TMEM237: variants seen among roughly 807,000 people sequenced by gnomAD.
TMEM237 encodes transmembrane protein 237, also known as amyotrophic lateral sclerosis 2 (juvenile) chromosome region, candidate 4.
A neutral mutation model predicts 59.1 loss-of-function variants in TMEM237; 51 were observed. The ratio of observed to expected loss-of-function variants is 0.86; its 90% CI spans 0.69 to 1.09. TMEM237 has a LOEUF of 1.09. Among genes scored for constraint, TMEM237 ranks in the 50% least tolerant of loss-of-function variants. TMEM237 has a pLI of 0.00. For synonymous variants in TMEM237, 140 were observed against 166.1 expected (o/e 0.84, Z 1.21); for missense variants, 475 against 478.3 (o/e 0.99, Z 0.06).
chr2:201,639,172 G>T, intron 3 of TMEM237, 127 bp from the exon 4 acceptor site: 1 of 844,872 alleles, frequency 1.2e-6, no homozygotes, highest in Non-Finnish European at 1.8e-6. Context: ...AACGTTTATA[G>T]ATTAGGGGAA....
intron 12 of TMEM237, 81 bp downstream of exon 12, chr2:201,625,945 G>A: frequency 7.5e-7 from 1 of 1,340,862 alleles, no homozygotes; most frequent in Non-Finnish European, 1.0e-6. Flanking sequence ...AATATTATAA[G>A]CTATACCTAT....
intron 7 of TMEM237, among the ~76,000 whole-genome samples, chr2:201,631,589 A>C (rs1957808213): frequency 6.6e-6 from 1 of 152,204 alleles, no homozygotes; most frequent in Admixed American, 6.5e-5. Flanking sequence ...GGTAAAGTAC[A>C]AGAAAGAATA....
rs1001725124 is a variant in TMEM237, at chr2:201,622,800, T to C, written c.*1455A>G. 1 of 153,622 alleles carries C rather than the reference T, an allele frequency of 6.5e-6. No individual in the cohort carries two copies. The highest frequency in any genetic ancestry group is 1.4e-5 in the Non-Finnish European group (1 of 68,978). The allele number at this position is 153,622 out of a possible 1,614,324, so 9.5% of individuals were successfully genotyped here. A position where few individuals can be genotyped will look rare whatever the true frequency, so the allele number is the denominator to read the frequency against. ...AGGACATGGACATCTTTAGGAGACATTATGCAGCCTACCACAATCCCCCAC... is the reference window on the plus strand; with the variant it reads ...AGGACATGGACATCTTTAGGAGACACTATGCAGCCTACCACAATCCCCCAC... On this transcript the variant is annotated 3_prime_UTR_variant, in exon 13 of 13. Transcript: ENST00000409883.
chr2:201,642,526 A>G (rs1179899569), intron 1 of TMEM237: 1 of 1,508,752 alleles, frequency 6.6e-7, no homozygotes, highest in Admixed American at 2.0e-5. Flanking sequence ...CCACCCAGAG[A>G]CCCAACCTCT....
chr2:201,620,970 C>T lies in TMEM237; in HGVS notation c.*3285G>A, dbSNP rs927758866. 7 of 152,158 alleles carry T rather than the reference C, an allele frequency of 4.6e-5. No homozygotes were observed. The highest frequency in any genetic ancestry group is 1.2e-4 in the African/African-American group (5 of 41,424). The allele number at this position is 152,158 out of a possible 1,614,324, so 9.4% of individuals were successfully genotyped here. A position where few individuals can be genotyped will look rare whatever the true frequency, so the allele number is the denominator to read the frequency against. The stretch of plus-strand genomic sequence containing the variant: ...CTCCTCAGAGTACATGGCCCAATAT[C>T]CCAAGGCCCTTAACACATTTGTCAT... On this transcript the variant is annotated 3_prime_UTR_variant, in exon 13 of 13. Transcript: ENST00000409883.
chr2:201,630,606 C>A (rs556619864), intron 7 of TMEM237, among the ~76,000 whole-genome samples: 1 of 152,264 alleles, frequency 6.6e-6, no homozygotes, highest in Non-Finnish European at 1.5e-5. Context: ...TCTGGGCAGA[C>A]AATAGAACCA....
At chr2:201,626,195 A>G in intron 11 of TMEM237, 48 bp from the exon 12 acceptor site, 1 of 1,576,974 alleles carries the variant, frequency 6.3e-7, no homozygotes, top group Non-Finnish European at 8.6e-7. Context: ...TTTGGTTCAT[A>G]TACACAAATA....
Position 201,643,262 on chromosome 2 carries a change from C to A in TMEM237, c.42+97G>T. 8.2e-7 allele frequency: 1 copy of A among 1,212,262 alleles called. No individual in the cohort carries two copies. The highest frequency in any genetic ancestry group is 1.2e-6 in the Non-Finnish European group (1 of 850,908). The allele number at this position is 1,212,262 out of a possible 1,614,324, so 75.1% of individuals were successfully genotyped here. On this transcript the variant is annotated intron_variant, in intron 1 of 12. Coordinates refer to ENST00000409883, the MANE Select transcript of TMEM237 (RefSeq NM_001044385.3). This position sits in a 1 kb window ranked among gnomAD's most constrained non-coding sequence, Gnocchi z 4.3. ...AGCAAGGCCCTCCCTTAGTGATTCC[C>A]AGCTCGTTGGCGCCCCCCCACACAC...
Position 201,643,274 on chromosome 2 carries a change from G to GGCCCCCCCCCC in TMEM237, c.42+84_42+85insGGGGGGGGGGC. 3.3e-6 allele frequency: 4 copies of GGCCCCCCCCCC among 1,206,746 alleles called. No individual in the cohort carries two copies. The highest frequency in any genetic ancestry group is 4.7e-6 in the Non-Finnish European group (4 of 849,308). The allele number at this position is 1,206,746 out of a possible 1,614,324, so 74.8% of individuals were successfully genotyped here. A position where few individuals can be genotyped will look rare whatever the true frequency, so the allele number is the denominator to read the frequency against. ...CCTTAGTGATTCCCAGCTCGTTGGCGCCCCCCCACACACACCCACCCCCAC... is the reference window on the plus strand; with the variant it reads ...CCTTAGTGATTCCCAGCTCGTTGGCGGCCCCCCCCCCCCCCCCCACACACACCCACCCCCAC... On this transcript the variant is annotated intron_variant, in intron 1 of 12. Transcript: ENST00000409883. The surrounding 1 kb of genome is among the most constrained non-coding windows in gnomAD (Gnocchi z 4.3).
intron 5 of TMEM237, chr2:201,634,412 T>C (rs569774061): frequency 6.6e-6 from 1 of 152,334 alleles, no homozygotes; most frequent in East Asian, 1.9e-4. Flanking sequence ...ACAAAATAAA[T>C]AAAAACACAA....
Position 201,630,562 on chromosome 2 carries a change from G to A in TMEM237, c.554-710C>T, listed in dbSNP as rs1445011428. On this transcript the variant is annotated intron_variant, in intron 7 of 12. Coordinates refer to ENST00000409883, the MANE Select transcript of TMEM237 (RefSeq NM_001044385.3). ...CAGGTGTTTTGGAGGATGAAAGACAGGGGTGTGACAATTTTCCCTAAGAAA... is the reference window on the plus strand; with the variant it reads ...CAGGTGTTTTGGAGGATGAAAGACAAGGGTGTGACAATTTTCCCTAAGAAA... 2.0e-5 allele frequency among the ~76,000 whole-genome samples: 3 copies of A among 152,152 alleles called. No homozygotes were observed. In the East Asian group the frequency reaches 5.8e-4, roughly 29 times the overall value.
chr2:201,629,131 CTCTATAAT>C, intron 9 of TMEM237, 91 bp downstream of exon 9: 1 of 944,396 alleles, frequency 1.1e-6, no homozygotes, highest in Non-Finnish European at 1.4e-6. Flanking sequence ...AACATTGATA[CTCTATAAT>C]TCTATTTTGA....
chr2:201,632,916 A>C (rs74418792), intron 6 of TMEM237, among the ~76,000 whole-genome samples: 2,701 of 152,206 alleles, frequency 0.018, 79 homozygotes, highest in African/African-American at 0.056. Flanking sequence ...TAATGCTAAA[A>C]CCCAGTTTTA....
At chr2:201,631,107 C>T (rs527843953) in intron 7 of TMEM237, 1 of 152,096 alleles carries the variant, frequency 6.6e-6, no homozygotes, top group Admixed American at 6.6e-5. Flanking sequence ...GCCCTAACCC[C>T]CCAGTGAGTG....
chr2:201,627,953 A>C (rs1031385078), intron 10 of TMEM237, 123 bp downstream of exon 10: 1 of 558,116 alleles, frequency 1.8e-6, no homozygotes, highest in African/African-American at 1.9e-5. Flanking sequence ...TTCACTGAAC[A>C]TCTATAGGTA....
At position 201,635,984 on chromosome 2, in the gene TMEM237, C is replaced by T. The variant is rs1687291349; in HGVS notation, c.274+764G>A. Among the ~76,000 whole-genome samples, 1 of 152,194 alleles carries T rather than the reference C, an allele frequency of 6.6e-6. No homozygotes were observed. Among genetic ancestry groups the T allele is most frequent in the South Asian group, 2.1e-4 (1 of 4,834 alleles). On this transcript the variant is annotated intron_variant, in intron 5 of 12. Transcript: ENST00000409883. This position sits in a 1 kb window ranked among gnomAD's most constrained non-coding sequence, Gnocchi z 4.5. The stretch of plus-strand genomic sequence containing the variant: ...CAAAAATGGGATCCTCCAATACATA[C>T]TATTTTATAACCTTTGTTCTTTGAT...
At position 201,629,871 on chromosome 2, in the gene TMEM237, A is replaced by T; in HGVS notation, c.554-19T>A. 6.2e-7 allele frequency: 1 copy of T among 1,604,448 alleles called. No homozygotes were observed. Among genetic ancestry groups the T allele is most frequent in the Non-Finnish European group, 8.5e-7 (1 of 1,177,562 alleles). On this transcript the variant is annotated intron_variant, in intron 7 of 12. Transcript: ENST00000409883. ...AATCTCCCTAAGAACACATAACGTA[A>T]TTACTAACAACTAGCGAGAGAGAAC...
chr2:201,643,274 G>GGCCC lies in TMEM237; in HGVS notation c.42+84_42+85insGGGC. The GGCCC allele has an allele frequency of 4.7e-5, 57 of 1,206,528 alleles. No individual in the cohort carries two copies. The highest frequency in any genetic ancestry group is 6.6e-5 in the Non-Finnish European group (56 of 849,118). The allele number at this position is 1,206,528 out of a possible 1,614,324, so 74.7% of individuals were successfully genotyped here. A position where few individuals can be genotyped will look rare whatever the true frequency, so the allele number is the denominator to read the frequency against. On this transcript the variant is annotated intron_variant, in intron 1 of 12. Transcript: ENST00000409883. The surrounding 1 kb of genome is among the most constrained non-coding windows in gnomAD (Gnocchi z 4.3). ...CCTTAGTGATTCCCAGCTCGTTGGC[G>GGCCC]CCCCCCCACACACACCCACCCCCAC... is the stretch of plus-strand genomic sequence containing the variant.
intron 5 of TMEM237, among the ~76,000 whole-genome samples, chr2:201,633,967 G>A (rs1204727457): frequency 6.6e-6 from 1 of 152,166 alleles, no homozygotes; most frequent in Non-Finnish European, 1.5e-5. Context: ...CCAAGGTTAG[G>A]GGCTAGTCAC....
Sources: gnomAD v4.1 joint callset for allele counts (sites outside exome capture counted in the v4.1 genomes callset) on GRCh38, gnomAD v4.1.1 for gene constraint, Gnocchi (gnomAD v3.1) non-coding constraint, MANE v1.5 for transcripts, NCBI Gene and HGNC (gene_info 2026-07-23, HGNC 2026-07-21) for gene names.